Variants in RAD51B observed in about 807,000 individuals in gnomAD.
The protein encoded by RAD51B is DNA repair protein RAD51 homolog 2.
RAD51B carries 38 observed loss-of-function variants against 42.2 expected under a neutral mutation model. That is an observed-to-expected ratio of 0.90 (90% CI 0.70 to 1.18). The LOEUF (loss-of-function observed/expected upper bound fraction) is 1.18. Ranked by LOEUF, RAD51B falls within the 50% of genes most tolerant of loss-of-function variation. RAD51B has a pLI of 0.00. For synonymous variants in RAD51B, 154 were observed against 145.2 expected, an observed-to-expected ratio of 1.06 and a Z score of -0.43; for missense variants, 373 against 400.7, an observed-to-expected ratio of 0.93 and a Z score of 0.59.
chr14:67,949,299 A>T (rs1446495254), intron 7 of RAD51B, among the ~76,000 whole-genome samples: 1 of 152,210 alleles, frequency 6.6e-6, no homozygotes, highest in African/African-American at 2.4e-5. Context: ...CTGCTTTATC[A>T]ACTAAATTTA....
intron 5 of RAD51B, among the ~76,000 whole-genome samples, chr14:67,872,468 G>T (rs2042573988): frequency 6.8e-6 from 1 of 147,774 alleles, no homozygotes; most frequent in African/African-American, 2.5e-5. Flanking sequence ...AACATTCCAT[G>T]CTCACGGGTA....
chr14:68,060,615 C>T (rs2076552200), intron 7 of RAD51B, among the ~76,000 whole-genome samples: 1 of 152,158 alleles, frequency 6.6e-6, no homozygotes. Flanking sequence ...TTGAAATTTT[C>T]GTCCAACTTT....
intron 8 of RAD51B, among the ~76,000 whole-genome samples, chr14:68,389,005 T>C (rs2083673260): frequency 6.6e-6 from 1 of 152,200 alleles, no homozygotes; most frequent in South Asian, 2.1e-4. Flanking sequence ...AATTCAGAAA[T>C]GGAACTATGG....
intron 7 of RAD51B, among the ~76,000 whole-genome samples, chr14:68,137,272 A>T (rs2078030882): frequency 6.6e-6 from 1 of 152,192 alleles, no homozygotes; most frequent in African/African-American, 2.4e-5. Context: ...GGACCTAAGG[A>T]TTTGAGTTTT....
intron 7 of RAD51B, among the ~76,000 whole-genome samples, chr14:68,180,707 G>T (rs1180123428): frequency 2.0e-5 from 3 of 152,182 alleles, no homozygotes; most frequent in African/African-American, 4.8e-5. Context: ...AAGTAGCTGG[G>T]AATGGAGAAA....
chr14:68,211,541 G>T (rs1157843748), intron 7 of RAD51B, among the ~76,000 whole-genome samples: 1 of 152,178 alleles, frequency 6.6e-6, no homozygotes, highest in African/African-American at 2.4e-5. Context: ...TGAATTAAAG[G>T]CCTTAGGCCA....
chr14:67,888,501 G>T (rs1382075646), intron 7 of RAD51B, among the ~76,000 whole-genome samples: 2 of 152,096 alleles, frequency 1.3e-5, no homozygotes, highest in Non-Finnish European at 2.9e-5. Flanking sequence ...GCTGAGGTGG[G>T]AGGATCACTT....
Position 68,248,098 on chromosome 14 carries a change from A to G in RAD51B, c.757-43786A>G, listed in dbSNP as rs182616839. On this transcript the variant is annotated intron_variant, in intron 7 of 10. Coordinates refer to ENST00000471583, the MANE Select transcript of RAD51B (RefSeq NM_133510.4). ...CTACTGAATTGGGACTCACACTCAG[A>G]CCTTCACCCCAAGCCCATAGCTCAT... Among the ~76,000 whole-genome samples the G allele has an allele frequency of 2.6e-5, 4 of 152,308 alleles. No individual in the cohort carries two copies. In the East Asian group the frequency reaches 7.7e-4, roughly 29 times the overall value.
chr14:68,390,940 C>T (rs1483322593), intron 8 of RAD51B, among the ~76,000 whole-genome samples: 1 of 152,332 alleles, frequency 6.6e-6, no homozygotes, highest in Non-Finnish European at 1.5e-5. Flanking sequence ...CTCCAAGACA[C>T]CTGACAAGCT....
At chr14:68,635,211 C>T (rs1280661030) in intron 10 of RAD51B, among the ~76,000 whole-genome samples, 1 of 152,176 alleles carries the variant, frequency 6.6e-6, no homozygotes, top group Non-Finnish European at 1.5e-5. Context: ...GCCTAACAGT[C>T]TCCTGCTAAT....
chr14:68,246,591 ATC>A (rs1224995894), intron 7 of RAD51B, among the ~76,000 whole-genome samples: 2 of 152,136 alleles, frequency 1.3e-5, no homozygotes, highest in Admixed American at 1.3e-4. Context: ...GGCAGGAGTT[ATC>A]TTCTTTACTG....
At chr14:68,449,721 T>C (rs1239535512) in intron 9 of RAD51B, among the ~76,000 whole-genome samples, 1 of 152,236 alleles carries the variant, frequency 6.6e-6, no homozygotes. Flanking sequence ...GTTTCCATTC[T>C]CTTTTTTCTT....
intron 10 of RAD51B, among the ~76,000 whole-genome samples, chr14:68,500,079 C>A (rs1328694036): frequency 6.6e-6 from 1 of 152,130 alleles, no homozygotes; most frequent in Non-Finnish European, 1.5e-5. Context: ...GCTGTGGAGT[C>A]TCTTCCCTCT....
At chr14:68,238,340 G>A (rs534347392) in intron 7 of RAD51B, among the ~76,000 whole-genome samples, 6 of 151,984 alleles carry the variant, frequency 3.9e-5, no homozygotes, top group South Asian at 2.1e-4. Flanking sequence ...TTGCTCTGTC[G>A]CCCCAGCTGG....
At chr14:68,418,919 C>G (rs776866069) in intron 9 of RAD51B, among the ~76,000 whole-genome samples, 2 of 152,114 alleles carry the variant, frequency 1.3e-5, no homozygotes, top group Non-Finnish European at 2.9e-5. Flanking sequence ...TTCACTAGAA[C>G]AAAAAGCATT....
At chr14:67,846,105 T>C (rs1275836359) in intron 4 of RAD51B, among the ~76,000 whole-genome samples, 1 of 152,148 alleles carries the variant, frequency 6.6e-6, no homozygotes, top group East Asian at 1.9e-4. Flanking sequence ...GGATCTGTGC[T>C]TGTTCACATG....
At chr14:68,651,950 C>T (rs1489414613) in intron 11 of RAD51B, among the ~76,000 whole-genome samples, 1 of 152,126 alleles carries the variant, frequency 6.6e-6, no homozygotes, top group African/African-American at 2.4e-5. Context: ...CCCAGCGCCC[C>T]ACATTCTTGG....
chr14:67,962,959 G>A (rs1448445070), intron 7 of RAD51B, among the ~76,000 whole-genome samples: 1 of 152,054 alleles, frequency 6.6e-6, no homozygotes, highest in African/African-American at 2.4e-5. Context: ...ATGTAAAGTA[G>A]TTTAAAAGTA....
At chr14:68,599,621 G>A (rs541649715), downstream of RAD51B, among the ~76,000 whole-genome samples, 6 of 152,272 alleles carry the variant, frequency 3.9e-5, no homozygotes, top group African/African-American at 7.2e-5. Flanking sequence ...ACTTGTACCC[G>A]TGTCCTTCAT....
Sources: allele counts gnomAD v4.1 joint callset (sites outside exome capture counted in the v4.1 genomes callset), GRCh38; gene constraint gnomAD v4.1.1; transcripts MANE v1.5; gene names NCBI Gene and HGNC (gene_info 2026-07-23, HGNC 2026-07-21).